SLC16A5: variants seen among roughly 807,000 people sequenced by gnomAD.
SLC16A5 encodes the protein solute carrier family 16 member 5.
A neutral mutation model predicts 33.2 loss-of-function variants in SLC16A5; 29 were observed. The observed-to-expected ratio is 0.87, with a 90% CI of 0.65 to 1.19. The LOEUF is 1.19. Ranked by LOEUF, SLC16A5 falls within the 50% of genes most tolerant of loss-of-function variation. The pLI is 0.00. For missense variants in SLC16A5, 606 were observed against 678.2 expected (o/e 0.89, Z 1.18); for synonymous variants, 248 against 284.1 (o/e 0.87, Z 1.28).
intron 5 of SLC16A5, among the ~76,000 whole-genome samples, chr17:75,101,796 A>C (rs1001753374): frequency 1.3e-5 from 2 of 151,786 alleles, no homozygotes; most frequent in Admixed American, 6.6e-5. Flanking sequence ...CACCACACCC[A>C]GCTAATTTTT....
At chr17:75,092,403 C>A (rs1181790584) in intron 2 of SLC16A5, among the ~76,000 whole-genome samples, 1 of 149,104 alleles carries the variant, frequency 6.7e-6, no homozygotes, top group Non-Finnish European at 1.5e-5. Flanking sequence ...TGTCACTAGG[C>A]TGGAGTGCAG....
At chr17:75,102,764 G>A (rs1322098815) in intron 5 of SLC16A5, among the ~76,000 whole-genome samples, 2 of 151,298 alleles carry the variant, frequency 1.3e-5, no homozygotes, top group Non-Finnish European at 2.9e-5. Context: ...GCAGAGTCTC[G>A]CTCTGTCATC....
chr17:75,093,147 C>T (rs2073665623), intron 2 of SLC16A5: 3 of 485,494 alleles, frequency 6.2e-6, no homozygotes, highest in African/African-American at 1.9e-5. Context: ...TATGCAGGAA[C>T]CCTGGGCAGG....
At chr17:75,097,690 G>A (rs2073738320) in intron 3 of SLC16A5, among the ~76,000 whole-genome samples, 1 of 152,198 alleles carries the variant, frequency 6.6e-6, no homozygotes, top group Admixed American at 6.5e-5. Context: ...CAGCGAAGTG[G>A]GGGAGGTAAA....
At chr17:75,088,480 G>A (rs1435723389) in intron 1 of SLC16A5, among the ~76,000 whole-genome samples, 1 of 152,150 alleles carries the variant, frequency 6.6e-6, no homozygotes, top group Non-Finnish European at 1.5e-5. Context: ...GGGAGAGAGT[G>A]ATTTGCCCCA....
Position 75,100,040 on chromosome 17 carries a change from T to G in SLC16A5, c.377T>G (p.Ile126Ser). The G allele has an allele frequency of 6.2e-7, 1 of 1,612,700 alleles. No homozygotes were observed. The highest frequency in any genetic ancestry group is 2.2e-5 in the East Asian group (1 of 44,882). ...ATGTGCTTCAGCTTCCAGTCAAGCA[T>G]CACGGTGCTGGGCTTCTACTTTGTC... is the stretch of plus-strand genomic sequence containing the variant. ...LGMCFSFQSS[I>S]TVLGFYFVRR... Residue 126 changes from isoleucine (I) to serine (S), a missense_variant, in exon 5 of 7, where the codon ATC becomes AGC. By Grantham distance (142) the Ile-to-Ser change is moderately radical (BLOSUM62 -2). Coordinates refer to ENST00000329783, the MANE Select transcript of SLC16A5 (RefSeq NM_004695.4).
chr17:75,093,910 A>G, intron 3 of SLC16A5, 75 bp downstream of exon 3: 1 of 1,543,748 alleles, frequency 6.5e-7, no homozygotes, highest in Middle Eastern at 1.8e-4. Context: ...TGGCCTTCTG[A>G]TTCCCTCTCT....
downstream of SLC16A5, among the ~76,000 whole-genome samples, chr17:75,107,339 G>A (rs1371196134): frequency 5.3e-5 from 8 of 152,120 alleles, no homozygotes; most frequent in Non-Finnish European, 1.5e-5. Context: ...GTTCTGCATA[G>A]GAAACTTTCA....
At chr17:75,104,278 G>A in intron 6 of SLC16A5, 98 bp downstream of exon 6, 1 of 1,531,176 alleles carries the variant, frequency 6.5e-7, no homozygotes. Context: ...AGCCCAGGAG[G>A]GGGACCTCTA....
intron 3 of SLC16A5, among the ~76,000 whole-genome samples, chr17:75,096,207 A>G (rs1362645130): frequency 6.6e-6 from 1 of 151,856 alleles, no homozygotes; most frequent in African/African-American, 2.4e-5. Flanking sequence ...TAAGGAAAGC[A>G]AGCAGGCACA....
intron 6 of SLC16A5, chr17:75,105,117 G>A: frequency 1.0e-6 from 1 of 985,454 alleles, no homozygotes; most frequent in Non-Finnish European, 1.2e-6. Flanking sequence ...GCCTCGCACT[G>A]GGCAGTGCAG....
At chr17:75,098,230 C>T in intron 4 of SLC16A5, 49 bp downstream of exon 4, 1 of 1,608,028 alleles carries the variant, frequency 6.2e-7, no homozygotes, top group Non-Finnish European at 8.5e-7. Flanking sequence ...CTAGAAAGTG[C>T]CAGGCACAAG....
At chr17:75,106,453 T>G (rs796524045), downstream of SLC16A5, among the ~76,000 whole-genome samples, 6 of 151,902 alleles carry the variant, frequency 3.9e-5, no homozygotes, top group African/African-American at 1.4e-4. Context: ...CTGAAAACAT[T>G]TAAAGAAAAA....
In SLC16A5 at chr17:75,100,053, C is replaced by T; in HGVS notation, c.390C>T (p.Gly130=). ...TCCAGTCAAGCATCACGGTGCTGGG[C>T]TTCTACTTTGTCCGCCGGCGGGTGC... The part of the protein sequence containing the change: ...FSFQSSITVL[G]FYFVRRRVLA... Residue 130 remains glycine (G), a synonymous_variant, in exon 5 of 7, where the codon GGC becomes GGT. Coordinates refer to ENST00000329783, the MANE Select transcript of SLC16A5 (RefSeq NM_004695.4). 1 of 1,613,252 alleles carries T rather than the reference C, an allele frequency of 6.2e-7. No homozygotes were observed. Among genetic ancestry groups the T allele is most frequent in the Non-Finnish European group, 8.5e-7 (1 of 1,179,972 alleles).
At chr17:75,103,923 G>A (rs904248743) in intron 5 of SLC16A5, 47 bp from the exon 6 acceptor site, 1 of 1,541,476 alleles carries the variant, frequency 6.5e-7, no homozygotes. Context: ...CAGCTGAGTT[G>A]GGGGGAGGCC....
At chr17:75,091,724 GA>G (rs2073639851) in intron 2 of SLC16A5, among the ~76,000 whole-genome samples, 1 of 152,246 alleles carries the variant, frequency 6.6e-6, no homozygotes, top group African/African-American at 2.4e-5. Flanking sequence ...GACCTGGGGT[GA>G]AAGGGAGGGA....
intron 6 of SLC16A5, chr17:75,104,805 T>C (rs2073843305): frequency 1.0e-6 from 1 of 985,394 alleles, no homozygotes; most frequent in South Asian, 4.7e-5. Flanking sequence ...TCCGGACTTT[T>C]TTCCTTGGGT....
chr17:75,099,420 GGTTT>G (rs1305545923), intron 4 of SLC16A5, among the ~76,000 whole-genome samples: 6 of 152,012 alleles, frequency 3.9e-5, no homozygotes, highest in East Asian at 1.9e-4. Context: ...TCCAATTTGG[GGTTT>G]GTTTGTTTTT....
At chr17:75,093,884 G>GA in intron 3 of SLC16A5, 49 bp downstream of exon 3, 1 of 1,578,070 alleles carries the variant, frequency 6.3e-7, no homozygotes. Flanking sequence ...GGGTTGCGGG[G>GA]AAGCCACAAC....
Sources: allele counts gnomAD v4.1 joint callset (sites outside exome capture counted in the v4.1 genomes callset), GRCh38; gene constraint gnomAD v4.1.1; transcripts MANE v1.5; gene names NCBI Gene and HGNC (gene_info 2026-07-23, HGNC 2026-07-21).